The following ZBTB20 variants were observed in gnomAD, a reference collection of about 807,000 sequenced individuals.
ZBTB20 encodes zinc finger and BTB domain-containing protein 20.
ZBTB20 carries 9 observed loss-of-function variants against 56.9 expected under a neutral mutation model. The ratio of observed to expected loss-of-function variants is 0.16; its 90% CI spans 0.10 to 0.28. ZBTB20 has a LOEUF of 0.28. Among genes scored for constraint, ZBTB20 ranks in the 10% least tolerant of loss-of-function variants. ZBTB20 has a pLI of 1.00. For missense variants in ZBTB20, 655 were observed against 1,003.0 expected, an observed-to-expected ratio of 0.65 and a Z score of 4.69; for synonymous variants, 417 against 420.7, an observed-to-expected ratio of 0.99 and a Z score of 0.11.
intron 1 of ZBTB20, among the ~76,000 whole-genome samples, chr3:115,085,311 A>G (rs1304695640): frequency 6.6e-6 from 1 of 151,934 alleles, no homozygotes; most frequent in Admixed American, 6.6e-5. Context: ...AGACATTTTA[A>G]GTTGTGCCAA....
chr3:114,705,324 C>T (rs1217210092), intron 5 of ZBTB20, among the ~76,000 whole-genome samples: 2 of 152,142 alleles, frequency 1.3e-5, no homozygotes, highest in Admixed American at 1.3e-4. Flanking sequence ...TAAGTTACAT[C>T]CCTAGTATGC....
chr3:114,557,500 T>C (rs1486756465), intron 6 of ZBTB20, among the ~76,000 whole-genome samples: 1 of 151,982 alleles, frequency 6.6e-6, no homozygotes, highest in African/African-American at 2.4e-5. Flanking sequence ...AATAAGGCTA[T>C]TCTATGATAC....
chr3:114,517,420 C>T (rs187202869), intron 6 of ZBTB20, among the ~76,000 whole-genome samples: 2 of 152,170 alleles, frequency 1.3e-5, no homozygotes, highest in Admixed American at 6.5e-5. Context: ...AACTAGATAG[C>T]GAACATGTTA....
At position 114,587,081 on chromosome 3, in the gene ZBTB20, C is replaced by T. The variant is rs186709835; in HGVS notation, c.-294-86690G>A. On this transcript the variant is annotated intron_variant, in intron 6 of 11. Coordinates refer to ENST00000675478, the MANE Select transcript of ZBTB20 (RefSeq NM_001348800.3). Reference sequence around the variant, plus strand: ...GTGTGATCTTGGCTCACGGCAACCTCCATCTCCCGGGTTCAAGCGATTCTC... The same window carrying T: ...GTGTGATCTTGGCTCACGGCAACCTTCATCTCCCGGGTTCAAGCGATTCTC... 3.9e-3 allele frequency among the ~76,000 whole-genome samples: 592 copies of T among 149,982 alleles called. 6 individuals carry two copies. Among genetic ancestry groups the T allele is most frequent in the African/African-American group, 0.014 (570 of 40,506 alleles).
At position 114,394,974 on chromosome 3, in the gene ZBTB20, A is replaced by AT. The variant is rs1426227242; in HGVS notation, c.-254-5870dup. On this transcript the variant is annotated intron_variant, in intron 7 of 11. Coordinates refer to ENST00000675478, the MANE Select transcript of ZBTB20 (RefSeq NM_001348800.3). ...GTTCCTATTTTTTTACATTATTGTT[A>AT]TTTTTAACAATAATTATCTGGTAAT... is the stretch of plus-strand genomic sequence containing the variant. Among the ~76,000 whole-genome samples, 5 of 152,290 alleles carry AT rather than the reference A, an allele frequency of 3.3e-5. No individual in the cohort carries two copies. In the East Asian group the frequency reaches 9.6e-4, roughly 29 times the overall value.
chr3:115,061,160 C>T (rs1454649039), intron 2 of ZBTB20, among the ~76,000 whole-genome samples: 4 of 152,064 alleles, frequency 2.6e-5, no homozygotes, highest in African/African-American at 9.7e-5. Flanking sequence ...TCAGTTAACA[C>T]ATCTATAAAT....
intron 10 of ZBTB20, among the ~76,000 whole-genome samples, chr3:114,369,366 GA>G (rs1000676732): frequency 2.6e-5 from 4 of 152,110 alleles, no homozygotes; most frequent in Non-Finnish European, 4.4e-5. Context: ...GAGAGGAAAG[GA>G]AAAAACTCCT....
chr3:114,748,774 T>C (rs2067317235), intron 5 of ZBTB20, among the ~76,000 whole-genome samples: 1 of 152,130 alleles, frequency 6.6e-6, no homozygotes, highest in Non-Finnish European at 1.5e-5. Context: ...CAATGTGCTA[T>C]TTTTGGGGTA....
At chr3:114,416,111 C>T (rs1051148194) in intron 7 of ZBTB20, among the ~76,000 whole-genome samples, 1 of 152,056 alleles carries the variant, frequency 6.6e-6, no homozygotes, top group African/African-American at 2.4e-5. Context: ...GATTGAGCCA[C>T]TACCTCTTTG....
At chr3:114,523,954 T>G (rs1311500752) in intron 6 of ZBTB20, among the ~76,000 whole-genome samples, 1 of 152,180 alleles carries the variant, frequency 6.6e-6, no homozygotes, top group Non-Finnish European at 1.5e-5. Context: ...TACATTTGCT[T>G]GTGTGTTTTT....
intron 6 of ZBTB20, among the ~76,000 whole-genome samples, chr3:114,522,154 G>C (rs1003877669): frequency 1.3e-5 from 2 of 152,090 alleles, no homozygotes; most frequent in Non-Finnish European, 2.9e-5. Flanking sequence ...AACCAAAAGG[G>C]GTGGAAAGCT....
At chr3:115,114,239 T>C (rs1025093724) in intron 1 of ZBTB20, among the ~76,000 whole-genome samples, 4 of 152,168 alleles carry the variant, frequency 2.6e-5, no homozygotes, top group Non-Finnish European at 4.4e-5. Flanking sequence ...GTTTTACACT[T>C]TGTAAAACAG....
intron 6 of ZBTB20, among the ~76,000 whole-genome samples, chr3:114,594,949 T>C (rs2056180377): frequency 1.3e-5 from 2 of 152,236 alleles, no homozygotes; most frequent in African/African-American, 4.8e-5. Flanking sequence ...GTCTAATGTA[T>C]AAGAATTAGG....
At chr3:114,801,208 A>C (rs2071681469) in intron 4 of ZBTB20, 34 bp from the exon 5 acceptor site, 1 of 151,854 alleles carries the variant, frequency 6.6e-6, no homozygotes, top group African/African-American at 2.4e-5. Flanking sequence ...TCTTTCAGTT[A>C]TAATTGGTAT....
intron 1 of ZBTB20, among the ~76,000 whole-genome samples, chr3:115,141,565 C>T (rs1469997120): frequency 2.0e-5 from 3 of 152,104 alleles, no homozygotes; most frequent in Non-Finnish European, 4.4e-5. Context: ...TCATCTGGAC[C>T]TTGAATAGTT....
At chr3:114,939,411 T>TA (rs1560419777) in intron 3 of ZBTB20, among the ~76,000 whole-genome samples, 1 of 146,188 alleles carries the variant, frequency 6.8e-6, no homozygotes, top group East Asian at 1.9e-4. Flanking sequence ...AAATTGAAAA[T>TA]AGAGATAAAA....
intron 6 of ZBTB20, among the ~76,000 whole-genome samples, chr3:114,643,996 G>A (rs966272178): frequency 6.6e-6 from 1 of 151,618 alleles, no homozygotes; most frequent in Admixed American, 6.6e-5. Context: ...ACTATTTTTT[G>A]AGTGCACAAA....
At chr3:114,689,176 G>A (rs2062544558) in intron 6 of ZBTB20, among the ~76,000 whole-genome samples, 1 of 152,134 alleles carries the variant, frequency 6.6e-6, no homozygotes, top group African/African-American at 2.4e-5. Flanking sequence ...AATCACCAAA[G>A]TTCTCTCATT....
intron 11 of ZBTB20, among the ~76,000 whole-genome samples, chr3:114,343,423 C>G (rs745450736): frequency 6.6e-6 from 1 of 152,196 alleles, no homozygotes; most frequent in East Asian, 1.9e-4. Context: ...CTCTCCTGTT[C>G]TCTCTGCCTC....
Sources: allele counts gnomAD v4.1 joint callset (sites outside exome capture counted in the v4.1 genomes callset), GRCh38; gene constraint gnomAD v4.1.1; transcripts MANE v1.5; gene names NCBI Gene and HGNC (gene_info 2026-07-23, HGNC 2026-07-21).